The following BARD1 variants were observed in gnomAD, a reference collection of about 807,000 sequenced individuals.
BARD1 encodes BRCA1-associated RING domain protein 1.
A neutral mutation model predicts 77.0 loss-of-function variants in BARD1; 73 were observed. The ratio of observed to expected loss-of-function variants is 0.95; its 90% CI spans 0.79 to 1.15. The LOEUF (loss-of-function observed/expected upper bound fraction) is 1.15. Ranked by LOEUF, BARD1 falls within the 50% of genes most tolerant of loss-of-function variation. BARD1 has a pLI of 0.00. For synonymous variants in BARD1, 384 were observed against 338.0 expected (o/e 1.14, Z -1.49); for missense variants, 993 against 938.8 (o/e 1.06, Z -0.75).
At chr2:214,764,320 C>T (rs1231848825) in intron 6 of BARD1, among the ~76,000 whole-genome samples, 1 of 152,150 alleles carries the variant, frequency 6.6e-6, no homozygotes, top group African/African-American at 2.4e-5. Flanking sequence ...CAGCTTACAG[C>T]CTCACGAGAA....
intron 2 of BARD1, 184 bp downstream of exon 2, chr2:214,796,877 G>T: frequency 1.7e-6 from 1 of 602,806 alleles, no homozygotes; most frequent in Non-Finnish European, 3.0e-6. Context: ...TTTGAGCTTT[G>T]GTTTTCTTAT....
chr2:214,774,655 A>G (rs895092587), intron 4 of BARD1, among the ~76,000 whole-genome samples: 2 of 152,228 alleles, frequency 1.3e-5, no homozygotes, highest in Non-Finnish European at 2.9e-5. Context: ...CAGCTGCATT[A>G]GCCCCTAACA....
intron 2 of BARD1, 130 bp downstream of exon 2, chr2:214,796,931 T>C (rs1004800784): frequency 5.5e-5 from 43 of 787,132 alleles, no homozygotes; most frequent in Non-Finnish European, 8.4e-5. Context: ...TAAGATAATG[T>C]ACAATAGGTT....
intron 3 of BARD1, among the ~76,000 whole-genome samples, chr2:214,782,508 T>C (rs1052206568): frequency 9.9e-5 from 15 of 151,590 alleles, no homozygotes; most frequent in Non-Finnish European, 7.4e-5. Context: ...TTTAAAAATT[T>C]GAAAAATATA....
intron 4 of BARD1, among the ~76,000 whole-genome samples, chr2:214,771,022 ATAC>A (rs1694458656): frequency 6.6e-6 from 1 of 152,208 alleles, no homozygotes; most frequent in East Asian, 1.9e-4. Flanking sequence ...AATATAAAGG[ATAC>A]TGTCCCTTTG....
chr2:214,771,893 G>A (rs182679949), intron 4 of BARD1, among the ~76,000 whole-genome samples: 1 of 136,956 alleles, frequency 7.3e-6, no homozygotes, highest in African/African-American at 2.8e-5. Flanking sequence ...TAAAAGGATT[G>A]TAGGTTTCAA....
chr2:214,784,927 A>C (rs902601247), intron 3 of BARD1, among the ~76,000 whole-genome samples: 6 of 152,008 alleles, frequency 3.9e-5, no homozygotes, highest in Non-Finnish European at 8.8e-5. Context: ...CCTAATGTAC[A>C]TGACAGGTTG....
At position 214,756,816 on chromosome 2, in the gene BARD1, C is replaced by T. The variant is rs112169944; in HGVS notation, c.1569-4261G>A. ...CATAAGAATGACACAACAGACTTCA[C>T]GGACTCAAGGGGAAAAGGTGGGAAG... On this transcript the variant is annotated intron_variant, in intron 6 of 10. Coordinates refer to ENST00000260947, the MANE Select transcript of BARD1 (RefSeq NM_000465.4). 1.9e-3 allele frequency among the ~76,000 whole-genome samples: 284 copies of T among 152,078 alleles called. 1 individual carries two copies. The highest frequency in any genetic ancestry group is 6.3e-3 in the African/African-American group (260 of 41,480).
chr2:214,770,678 C>G (rs1377371783), intron 4 of BARD1, among the ~76,000 whole-genome samples: 2 of 152,114 alleles, frequency 1.3e-5, no homozygotes, highest in Admixed American at 6.5e-5. Flanking sequence ...CAACTAAATC[C>G]TACTATAAAT....
intron 10 of BARD1, among the ~76,000 whole-genome samples, chr2:214,729,411 T>G (rs1225750187): frequency 6.6e-6 from 1 of 152,214 alleles, no homozygotes; most frequent in East Asian, 1.9e-4. Context: ...TGGAGCATTT[T>G]AGATGTTGGA....
At chr2:214,780,083 G>A (rs1437327338) in intron 4 of BARD1, among the ~76,000 whole-genome samples, 5 of 152,270 alleles carry the variant, frequency 3.3e-5, no homozygotes, top group African/African-American at 1.2e-4. Context: ...TGAACTGGAG[G>A]AGCCATTTCT....
At chr2:214,796,993 A>G in intron 2 of BARD1, 68 bp downstream of exon 2, 3 of 1,075,490 alleles carry the variant, frequency 2.8e-6, no homozygotes, top group Non-Finnish European at 4.2e-6. Context: ...TATTATCAAC[A>G]AGATTACATG....
At chr2:214,806,952 G>C (rs1024807097) in intron 1 of BARD1, among the ~76,000 whole-genome samples, 2 of 150,378 alleles carry the variant, frequency 1.3e-5, no homozygotes, top group African/African-American at 4.9e-5. Flanking sequence ...GAGACATTAA[G>C]TTTATCAAGA....
Position 214,805,647 on chromosome 2 carries a change from C to T in BARD1, c.158+3765G>A, listed in dbSNP as rs749731808. Among the ~76,000 whole-genome samples, 45 of 152,094 alleles carry T rather than the reference C, an allele frequency of 3.0e-4. No homozygotes were observed. In the Middle Eastern group the frequency reaches 0.01, roughly 34 times the overall value. On this transcript the variant is annotated intron_variant, in intron 1 of 10. Coordinates refer to ENST00000260947, the MANE Select transcript of BARD1 (RefSeq NM_000465.4). ...AGATAAAATAACCTAAATAATGGAG[C>T]CAGGATTTGAACCCAGGGAATCTAA...
intron 7 of BARD1, among the ~76,000 whole-genome samples, chr2:214,748,628 A>C (rs1352465706): frequency 6.6e-6 from 1 of 152,152 alleles, no homozygotes; most frequent in Non-Finnish European, 1.5e-5. Context: ...TTAAAAGATT[A>C]GAGGTTGCTT....
In BARD1 at chr2:214,799,887, C is replaced by T. The variant is rs143151224; in HGVS notation, c.159-2770G>A. On this transcript the variant is annotated intron_variant, in intron 1 of 10. Transcript: ENST00000260947. ...CTGTTCTCCAAAGCATTTTTGGTCC[C>T]CTTCTCTCTGACCACTCTGGGAAAC... Among the ~76,000 whole-genome samples, 3 of 152,296 alleles carry T rather than the reference C, an allele frequency of 2.0e-5. No homozygotes were observed. The East Asian group carries it at 5.8e-4, about 29-fold the overall frequency.
intron 1 of BARD1, among the ~76,000 whole-genome samples, chr2:214,807,095 T>C (rs1472244290): frequency 6.6e-6 from 1 of 152,020 alleles, no homozygotes; most frequent in Non-Finnish European, 1.5e-5. Flanking sequence ...AAAAACTATT[T>C]GCGGGCAGAA....
chr2:214,768,639 CTCA>C (rs1694327254), intron 5 of BARD1, among the ~76,000 whole-genome samples: 1 of 152,208 alleles, frequency 6.6e-6, no homozygotes, highest in African/African-American at 2.4e-5. Context: ...GCATTCAAAT[CTCA>C]TGTTTGTCCT....
At chr2:214,739,128 G>C (rs1692696885) in intron 9 of BARD1, among the ~76,000 whole-genome samples, 1 of 152,048 alleles carries the variant, frequency 6.6e-6, no homozygotes, top group Non-Finnish European at 1.5e-5. Context: ...CAGCCTGTGT[G>C]ACAGAGTGAG....
Sources: gnomAD v4.1 joint callset for allele counts (sites outside exome capture counted in the v4.1 genomes callset) on GRCh38, gnomAD v4.1.1 for gene constraint, MANE v1.5 for transcripts, NCBI Gene and HGNC (gene_info 2026-07-23, HGNC 2026-07-21) for gene names.